ERBB4: variants seen among roughly 807,000 people sequenced by gnomAD.
ERBB4 encodes receptor tyrosine-protein kinase erbB-4.
Under a neutral mutation model 158.0 loss-of-function variants are expected in ERBB4, and 42 were observed. The observed-to-expected ratio is 0.27, with a 90% CI of 0.21 to 0.34. The LOEUF is 0.34. ERBB4 is among the 10% of genes least tolerant of loss of function. The pLI is 1.00. For synonymous variants in ERBB4, 583 were observed against 558.7 expected, an observed-to-expected ratio of 1.04 and a Z score of -0.61; for missense variants, 1,333 against 1,624.1, an observed-to-expected ratio of 0.82 and a Z score of 3.08.
At chr2:212,449,748 T>G (rs943095912) in intron 1 of ERBB4, among the ~76,000 whole-genome samples, 1 of 152,084 alleles carries the variant, frequency 6.6e-6, no homozygotes, top group Non-Finnish European at 1.5e-5. Flanking sequence ...AAAAATGACA[T>G]TCATAGGTAT....
intron 2 of ERBB4, among the ~76,000 whole-genome samples, chr2:211,968,165 T>C (rs1014832701): frequency 6.6e-6 from 1 of 152,068 alleles, no homozygotes; most frequent in Non-Finnish European, 1.5e-5. Context: ...GAACATTCTT[T>C]CACTTTTTTC....
At chr2:211,432,711 T>C (rs1254373957) in intron 20 of ERBB4, among the ~76,000 whole-genome samples, 1 of 152,224 alleles carries the variant, frequency 6.6e-6, no homozygotes, top group African/African-American at 2.4e-5. Flanking sequence ...ACATTCATTA[T>C]TCTCTTTCTT....
intron 1 of ERBB4, among the ~76,000 whole-genome samples, chr2:212,181,428 T>C (rs759031809): frequency 6.6e-6 from 1 of 151,644 alleles, no homozygotes; most frequent in Non-Finnish European, 1.5e-5. Flanking sequence ...CATACAGTAT[T>C]ATGTAAAATG....
chr2:211,508,445 A>T (rs764442841), intron 20 of ERBB4, among the ~76,000 whole-genome samples: 10 of 152,206 alleles, frequency 6.6e-5, no homozygotes, highest in Non-Finnish European at 1.0e-4. Flanking sequence ...CACACCAGTT[A>T]GAATGGTGAT....
intron 2 of ERBB4, among the ~76,000 whole-genome samples, chr2:211,960,057 C>T (rs1018438578): frequency 3.3e-5 from 5 of 152,032 alleles, no homozygotes; most frequent in African/African-American, 1.2e-4. Flanking sequence ...CAGACAATTG[C>T]CTAAGTTCTG....
chr2:211,652,602 T>C (rs1476947639), intron 16 of ERBB4, among the ~76,000 whole-genome samples: 1 of 152,220 alleles, frequency 6.6e-6, no homozygotes, highest in Non-Finnish European at 1.5e-5. Flanking sequence ...AACTGTTATG[T>C]GACCTGTTAC....
rs144758482 is a variant in ERBB4, at chr2:211,580,516, T to G, written c.2302-18428A>C. On this transcript the variant is annotated intron_variant, in intron 19 of 27. Transcript: ENST00000342788. ...AAATAATAATAGATGTTGGCATGGA[T>G]GCAGTGAACAGGGAACACTTCTACA... Among the ~76,000 whole-genome samples, 1,340 of 151,884 alleles carry G rather than the reference T, an allele frequency of 8.8e-3. 21 individuals carry two copies. The highest frequency in any genetic ancestry group is 0.03 in the African/African-American group (1,247 of 41,446).
chr2:211,512,586 T>A (rs1008897352), intron 20 of ERBB4, among the ~76,000 whole-genome samples: 3 of 152,116 alleles, frequency 2.0e-5, no homozygotes, highest in Non-Finnish European at 2.9e-5. Context: ...TCTTTGAACA[T>A]ACACAAATTT....
At chr2:211,422,482 G>C (rs1253487032) in intron 23 of ERBB4, among the ~76,000 whole-genome samples, 1 of 130,988 alleles carries the variant, frequency 7.6e-6, no homozygotes, top group Non-Finnish European at 1.6e-5. Context: ...CATTTGTCCT[G>C]GTGGACAAAA....
chr2:212,301,738 C>T (rs1266628256), intron 1 of ERBB4, among the ~76,000 whole-genome samples: 2 of 142,514 alleles, frequency 1.4e-5, no homozygotes, highest in Non-Finnish European at 3.1e-5. Context: ...CAAGTTCCCT[C>T]AGAGGTCCTG....
intron 2 of ERBB4, among the ~76,000 whole-genome samples, chr2:212,083,382 G>C (rs1337148652): frequency 6.6e-6 from 1 of 151,918 alleles, no homozygotes; most frequent in Admixed American, 6.6e-5. Context: ...GATAGAATTG[G>C]GGGGAGGAAT....
In ERBB4 at chr2:211,892,001, C is replaced by T. The variant is rs1469778083; in HGVS notation, c.421+55429G>A. ...GTACAAGGAGGAACTGGTACCATTC[C>T]TTCTGAAACTATTCCAATCAATAGA... is the stretch of plus-strand genomic sequence containing the variant. On this transcript the variant is annotated intron_variant, in intron 3 of 27. Transcript: ENST00000342788. Among the ~76,000 whole-genome samples, 7 of 133,500 alleles carry T rather than the reference C, an allele frequency of 5.2e-5. No individual in the cohort carries two copies. The South Asian group carries it at 1.4e-3, about 27-fold the overall frequency. 87.6% of individuals were successfully genotyped at this position (133,500 alleles called of 152,430 possible).
chr2:212,408,301 C>T (rs1036251878), intron 1 of ERBB4, among the ~76,000 whole-genome samples: 2 of 151,926 alleles, frequency 1.3e-5, no homozygotes, highest in African/African-American at 4.8e-5. Context: ...TCCATGTGTT[C>T]TCATTGTTCA....
At chr2:211,761,083 T>C (rs540226024) in intron 4 of ERBB4, among the ~76,000 whole-genome samples, 114 of 149,576 alleles carry the variant, frequency 7.6e-4, no homozygotes, top group African/African-American at 2.6e-3. Flanking sequence ...TAATCCTAGC[T>C]ACTCAGGAGG....
chr2:211,984,808 C>T (rs906008522), intron 2 of ERBB4, among the ~76,000 whole-genome samples: 1 of 151,884 alleles, frequency 6.6e-6, no homozygotes, highest in African/African-American at 2.4e-5. Flanking sequence ...CTGCAACCTC[C>T]GCCTCCCAGG....
intron 19 of ERBB4, among the ~76,000 whole-genome samples, chr2:211,591,324 C>T (rs1184775878): frequency 6.6e-6 from 1 of 152,176 alleles, no homozygotes. Context: ...TCTAGTTTAA[C>T]ACATGAGGGT....
At chr2:211,795,798 A>G (rs1391577407) in intron 3 of ERBB4, among the ~76,000 whole-genome samples, 1 of 151,894 alleles carries the variant, frequency 6.6e-6, no homozygotes, top group Non-Finnish European at 1.5e-5. Flanking sequence ...AACGAGCCAC[A>G]GCTAGGTGCA....
chr2:211,903,896 G>A (rs1469694952), intron 3 of ERBB4, among the ~76,000 whole-genome samples: 1 of 151,904 alleles, frequency 6.6e-6, no homozygotes, highest in African/African-American at 2.4e-5. Context: ...ATATCCTAGG[G>A]ACATATTCTT....
intron 1 of ERBB4, among the ~76,000 whole-genome samples, chr2:212,444,963 C>G (rs576001833): frequency 2.2e-4 from 34 of 151,514 alleles, no homozygotes; most frequent in African/African-American, 8.2e-4. Flanking sequence ...TCTGCCAAAA[C>G]TAATATCTGT....
Sources: gnomAD v4.1 joint callset for allele counts (sites outside exome capture counted in the v4.1 genomes callset) on GRCh38, gnomAD v4.1.1 for gene constraint, MANE v1.5 for transcripts, NCBI Gene and HGNC (gene_info 2026-07-23, HGNC 2026-07-21) for gene names.